Variants in MASP1 observed in about 807,000 individuals in gnomAD.
MASP1 encodes MBL associated serine protease 1, also known as mannan-binding lectin serine protease 1.
A neutral mutation model predicts 77.1 loss-of-function variants in MASP1; 59 were observed. That is an observed-to-expected ratio of 0.77 (90% CI 0.62 to 0.95). MASP1 has a LOEUF of 0.95. MASP1 is among the 40% of genes least tolerant of loss of function. The pLI, the probability that MASP1 is intolerant of heterozygous loss-of-function variation, is 0.00. For missense variants in MASP1, 885 were observed against 912.9 expected, an observed-to-expected ratio of 0.97 and a Z score of 0.39; for synonymous variants, 362 against 354.5, an observed-to-expected ratio of 1.02 and a Z score of -0.24.
chr3:187,252,263 T>C (rs1466425828), intron 6 of MASP1, among the ~76,000 whole-genome samples: 1 of 152,216 alleles, frequency 6.6e-6, no homozygotes, highest in Non-Finnish European at 1.5e-5. Flanking sequence ...GCTGATTACA[T>C]GAACACTGCA....
At chr3:187,224,895 A>G (rs928946447) in intron 13 of MASP1, among the ~76,000 whole-genome samples, 1 of 152,176 alleles carries the variant, frequency 6.6e-6, no homozygotes, top group Admixed American at 6.5e-5. Context: ...ACTCTTCTGC[A>G]GCGGTTCAGG....
exon 16 of MASP1, chr3:187,217,844 G>A (rs1711849631): frequency 6.6e-6 from 1 of 152,276 alleles, no homozygotes; most frequent in East Asian, 1.9e-4. Flanking sequence ...GAATAAGCTG[G>A]GTCCAGCCAG....
chr3:187,283,425 T>C (rs1235010080), intron 2 of MASP1, among the ~76,000 whole-genome samples: 1 of 152,244 alleles, frequency 6.6e-6, no homozygotes, highest in African/African-American at 2.4e-5. Flanking sequence ...CTAAATCCTC[T>C]CTTGTGTGTT....
At chr3:187,232,068 A>T (rs1712797958), downstream of MASP1, among the ~76,000 whole-genome samples, 1 of 152,136 alleles carries the variant, frequency 6.6e-6, no homozygotes, top group East Asian at 1.9e-4. Context: ...CCCCTCAGGG[A>T]TGATGATAGA....
chr3:187,221,171 C>A, intron 14 of MASP1: 1 of 1,486,716 alleles, frequency 6.7e-7, no homozygotes, highest in East Asian at 2.3e-5. Flanking sequence ...TCATCCCCGG[C>A]TGAGAAGCCT....
Position 187,251,557 on chromosome 3 carries a change from C to T in MASP1, c.1011+77G>A, listed in dbSNP as rs1443610317. ...GGAACTATGACAAGTTCTGGCAGCC[C>T]ATCTGCCCTGGGGAGGGGCAGGTTT... On this transcript the variant is annotated intron_variant, in intron 7 of 10. Coordinates refer to ENST00000296280, the MANE Select transcript of MASP1 (RefSeq NM_139125.4). 1.1e-5 allele frequency: 12 copies of T among 1,129,342 alleles called. No homozygotes were observed. In the Admixed American group the frequency reaches 2.0e-4, roughly 19 times the overall value. 70.0% of individuals were successfully genotyped at this position (1,129,342 alleles called of 1,614,324 possible).
chr3:187,246,125 T>C (rs1403510404), intron 8 of MASP1, among the ~76,000 whole-genome samples: 2 of 152,222 alleles, frequency 1.3e-5, no homozygotes, highest in African/African-American at 2.4e-5. Context: ...CCTGTGTCCA[T>C]GCTCTGGCCA....
chr3:187,247,691 A>T (rs1363142289), intron 8 of MASP1, among the ~76,000 whole-genome samples: 2 of 152,182 alleles, frequency 1.3e-5, no homozygotes, highest in Admixed American at 1.3e-4. Context: ...CCCTCACTTG[A>T]CAGCATTTAG....
rs551776498 is a variant in MASP1 at position 187,266,166 on chromosome 3, G to A, written c.238-3446C>T. Reference sequence around the variant, plus strand: ...CATTTTTCTATTTCTTCTTGTGGGCGACTATGTCCTTAGAGACTATTGTTA... The same window carrying A: ...CATTTTTCTATTTCTTCTTGTGGGCAACTATGTCCTTAGAGACTATTGTTA... On this transcript the variant is annotated intron_variant, in intron 2 of 10. Coordinates refer to ENST00000296280, the MANE Select transcript of MASP1 (RefSeq NM_139125.4). Among the ~76,000 whole-genome samples the A allele has an allele frequency of 4.6e-5, 7 of 152,286 alleles. No individual in the cohort carries two copies. The South Asian group carries it at 1.0e-3, about 23-fold the overall frequency.
At chr3:187,279,156 G>A (rs1490755455) in intron 2 of MASP1, among the ~76,000 whole-genome samples, 1 of 152,242 alleles carries the variant, frequency 6.6e-6, no homozygotes, top group African/African-American at 2.4e-5. Context: ...AATTTTTCCT[G>A]AAATACGTGT....
intron 8 of MASP1, chr3:187,246,488 C>T (rs1714090538): frequency 1.0e-6 from 1 of 985,314 alleles, no homozygotes; most frequent in Non-Finnish European, 1.2e-6. Flanking sequence ...CCTCACCGCA[C>T]AGCCATTTAA....
intron 3 of MASP1, 46 bp downstream of exon 3, chr3:187,262,497 G>T: frequency 6.8e-7 from 1 of 1,476,552 alleles, no homozygotes; most frequent in Non-Finnish European, 9.3e-7. Flanking sequence ...TTTCATCTTC[G>T]GAGAGAGAGA....
chr3:187,253,342 A>AGT, intron 5 of MASP1, 27 bp from the exon 6 acceptor site: 2 of 1,613,612 alleles, frequency 1.2e-6, no homozygotes, highest in East Asian at 4.5e-5. Context: ...AGAGAGAGAG[A>AGT]AATAGAGTGT....
intron 1 of MASP1, among the ~76,000 whole-genome samples, chr3:187,290,405 T>C (rs1435979695): frequency 6.6e-6 from 1 of 152,208 alleles, no homozygotes; most frequent in South Asian, 2.1e-4. Flanking sequence ...GCTGGGGCAC[T>C]GAATGGTAGG....
At position 187,282,326 on chromosome 3, in the gene MASP1, G is replaced by A. The variant is rs540309127; in HGVS notation, c.237+3499C>T. On this transcript the variant is annotated intron_variant, in intron 2 of 10. Coordinates refer to ENST00000296280, the MANE Select transcript of MASP1 (RefSeq NM_139125.4). ...ATCCTGGCCAACATGGTGAAACCCC[G>A]TCTCTGCTAAAATACAAAAAATTAG... Among the ~76,000 whole-genome samples, 28 of 151,960 alleles carry A rather than the reference G, an allele frequency of 1.8e-4. 1 individual carries two copies. Among genetic ancestry groups the A allele is most frequent in the African/African-American group, 6.5e-4 (27 of 41,448 alleles).
exon 16 of MASP1, chr3:187,217,575 A>G (rs1278713241): frequency 1.3e-5 from 2 of 152,204 alleles, no homozygotes; most frequent in African/African-American, 2.4e-5. Context: ...ATGAGCTGCA[A>G]TTGGGGGTAG....
In MASP1 at chr3:187,236,098, G is replaced by T. The variant is rs753546269; in HGVS notation, c.1773C>A (p.Ala591=). ...CATTGGGATTGGAGATGCCCCAGCC[G>T]GCCACCAGGCCCAGCATGTGGGGGG... is the stretch of plus-strand genomic sequence containing the variant. The part of the protein sequence containing the change: ...GPAPHMLGLV[A]GWGISNPNVT... The change falls in exon 11 of 11, where the codon GCC becomes GCA. Residue 591 remains alanine (A), a synonymous_variant. Transcript: ENST00000296280. The T allele has an allele frequency of 2.6e-5, 42 of 1,613,786 alleles. No homozygotes were observed. The highest frequency in any genetic ancestry group is 3.3e-5 in the Non-Finnish European group (39 of 1,180,056).
intron 2 of MASP1, among the ~76,000 whole-genome samples, chr3:187,273,391 T>G (rs1716684574): frequency 6.6e-6 from 1 of 152,184 alleles, no homozygotes. Flanking sequence ...TCTTAAGTTA[T>G]GAAAGACGAT....
At chr3:187,280,195 C>G (rs1213495537) in intron 2 of MASP1, among the ~76,000 whole-genome samples, 1 of 152,034 alleles carries the variant, frequency 6.6e-6, no homozygotes, top group East Asian at 1.9e-4. Context: ...TTACAATAGA[C>G]TAGTTGAGAG....
Sources: allele counts gnomAD v4.1 joint callset (sites outside exome capture counted in the v4.1 genomes callset), GRCh38; gene constraint gnomAD v4.1.1; transcripts MANE v1.5; gene names NCBI Gene and HGNC (gene_info 2026-07-23, HGNC 2026-07-21).